Variants in NPAT observed in about 807,000 individuals in gnomAD.
NPAT encodes the protein protein NPAT.
A neutral mutation model predicts 130.7 loss-of-function variants in NPAT; 52 were observed. The ratio of observed to expected loss-of-function variants is 0.40; its 90% CI spans 0.32 to 0.50. The LOEUF is 0.50. Among genes scored for constraint, NPAT ranks in the 20% least tolerant of loss-of-function variants. The probability of loss-of-function intolerance (pLI) is 0.68; values close to 1 mark genes in which losing one functional copy is unlikely to be tolerated. For missense variants in NPAT, 1,687 were observed against 1,662.6 expected, an observed-to-expected ratio of 1.01 and a Z score of -0.26; for synonymous variants, 580 against 584.8, an observed-to-expected ratio of 0.99 and a Z score of 0.12.
At chr11:108,182,559 G>A (rs1275818875) in intron 10 of NPAT, among the ~76,000 whole-genome samples, 2 of 152,218 alleles carry the variant, frequency 1.3e-5, no homozygotes, top group African/African-American at 2.4e-5. Context: ...GTGCAGTGGC[G>A]CGATCTCGCC....
intron 1 of NPAT, among the ~76,000 whole-genome samples, chr11:108,206,874 G>A (rs142360552): frequency 5.9e-5 from 9 of 152,330 alleles, no homozygotes; most frequent in East Asian, 1.9e-4. Flanking sequence ...GCTCCTTTCC[G>A]TAGGCAGGTC....
chr11:108,187,784 T>C (rs910351741), intron 7 of NPAT, among the ~76,000 whole-genome samples: 2 of 152,098 alleles, frequency 1.3e-5, no homozygotes, highest in African/African-American at 4.8e-5. Context: ...CTGTATTATT[T>C]ACATTCAGTT....
At position 108,222,622 on chromosome 11, in the gene NPAT, G is replaced by C. The variant is rs1565335427; in HGVS notation, c.-86C>G. The C allele has an allele frequency of 6.9e-7, 1 of 1,459,690 alleles. No individual in the cohort carries two copies. Among genetic ancestry groups the C allele is most frequent in the Non-Finnish European group, 9.5e-7 (1 of 1,050,070 alleles). 90.4% of individuals were successfully genotyped at this position (1,459,690 alleles called of 1,614,324 possible). A position where few individuals can be genotyped will look rare whatever the true frequency, so the allele number is the denominator to read the frequency against. ...GACAGCTCCTGCGCCGCATCTCCTG[G>C]TTCCAGTGGCGGCACTGAACTCGCG... On this transcript the variant is annotated 5_prime_UTR_variant, in exon 1 of 18. Coordinates refer to ENST00000278612, the MANE Select transcript of NPAT (RefSeq NM_002519.3).
chr11:108,196,465 A>G (rs1379256495), intron 2 of NPAT, among the ~76,000 whole-genome samples: 2 of 151,676 alleles, frequency 1.3e-5, no homozygotes, highest in Non-Finnish European at 2.9e-5. Context: ...GCTTTGTGTT[A>G]TCTATAAAAA....
intron 10 of NPAT, among the ~76,000 whole-genome samples, chr11:108,181,798 G>A (rs971585825): frequency 1.3e-5 from 2 of 152,006 alleles, no homozygotes; most frequent in Non-Finnish European, 2.9e-5. Context: ...AGCATGTGAA[G>A]CAAAATCTGA....
At position 108,185,799 on chromosome 11, in the gene NPAT, C is replaced by T. The variant is rs150031097; in HGVS notation, c.727-305G>A. Among the ~76,000 whole-genome samples the T allele has an allele frequency of 2.5e-3, 386 of 152,358 alleles. 1 individual carries two copies. Among genetic ancestry groups the T allele is most frequent in the African/African-American group, 8.7e-3 (363 of 41,582 alleles). ...AGCCTGGAGTACAGTGGCACAATCT[C>T]AGTTCACTGCAACCTCCACCTCGCA... On this transcript the variant is annotated intron_variant, in intron 8 of 17. Coordinates refer to ENST00000278612, the MANE Select transcript of NPAT (RefSeq NM_002519.3).
intron 10 of NPAT, 88 bp from the exon 11 acceptor site, chr11:108,177,178 C>G (rs2078016313): frequency 3.4e-6 from 2 of 595,582 alleles, no homozygotes; most frequent in East Asian, 7.3e-5. Context: ...GGGTCTCACT[C>G]TTTTGCTCAG....
chr11:108,197,530 T>A, intron 1 of NPAT, 110 bp from the exon 2 acceptor site: 1 of 781,776 alleles, frequency 1.3e-6, no homozygotes, highest in Non-Finnish European at 2.3e-6. Flanking sequence ...AAACCTTAGG[T>A]GGAATGCTCT....
intron 1 of NPAT, among the ~76,000 whole-genome samples, chr11:108,204,166 AT>A (rs2134884429): frequency 6.6e-6 from 1 of 152,300 alleles, no homozygotes; most frequent in East Asian, 1.9e-4. Context: ...CAAGAGACAA[AT>A]TCCCAGGCAG....
At chr11:108,221,708 T>C (rs2078502433) in intron 1 of NPAT, among the ~76,000 whole-genome samples, 1 of 152,232 alleles carries the variant, frequency 6.6e-6, no homozygotes, top group Admixed American at 6.5e-5. Flanking sequence ...GCTCGGGTTT[T>C]GAGCTTTACC....
chr11:108,178,226 A>G (rs550946889), intron 10 of NPAT, among the ~76,000 whole-genome samples: 19 of 152,266 alleles, frequency 1.2e-4, no homozygotes, highest in Non-Finnish European at 1.9e-4. Context: ...CCCTGTACCA[A>G]TGGTGGAGGT....
chr11:108,162,873 A>G (rs2077865772), intron 15 of NPAT, among the ~76,000 whole-genome samples: 1 of 152,194 alleles, frequency 6.6e-6, no homozygotes, highest in Admixed American at 6.5e-5. Flanking sequence ...GGTACCTATC[A>G]TGTTTACAAG....
chr11:108,220,480 CTT>C (rs762536733), intron 1 of NPAT, among the ~76,000 whole-genome samples: 5 of 151,778 alleles, frequency 3.3e-5, no homozygotes, highest in Non-Finnish European at 7.4e-5. Flanking sequence ...GGGGAGAAAA[CTT>C]AACTTCTCTA....
intron 1 of NPAT, among the ~76,000 whole-genome samples, chr11:108,204,562 C>CGAACCTGCA (rs1473435379): frequency 9.9e-6 from 1 of 100,932 alleles, no homozygotes; most frequent in African/African-American, 3.3e-5. Flanking sequence ...CCGAACCTGC[C>CGAACCTGCA]GAACCTGCAG....
intron 15 of NPAT, among the ~76,000 whole-genome samples, chr11:108,167,420 C>T (rs967579096): frequency 3.3e-5 from 5 of 152,070 alleles, no homozygotes; most frequent in African/African-American, 1.2e-4. Flanking sequence ...ACTATATTGC[C>T]CAGGCTGGTC....
At chr11:108,212,308 T>C (rs2078391782) in intron 1 of NPAT, among the ~76,000 whole-genome samples, 2 of 152,066 alleles carry the variant, frequency 1.3e-5, no homozygotes, top group African/African-American at 4.8e-5. Context: ...GCGGATCATT[T>C]GAGGTCAGGA....
intron 17 of NPAT, 74 bp downstream of exon 17, chr11:108,160,806 A>G: frequency 7.4e-7 from 1 of 1,352,906 alleles, no homozygotes; most frequent in East Asian, 2.5e-5. Context: ...TGTTGTGGCA[A>G]GAACTGCTGA....
At position 108,173,704 on chromosome 11, in the gene NPAT, G is replaced by C. The variant is rs777256089; in HGVS notation, c.1280C>G (p.Ala427Gly). The C allele has an allele frequency of 2.5e-6, 4 of 1,614,094 alleles. No homozygotes were observed. In the South Asian group the frequency reaches 3.3e-5, roughly 13 times the overall value. The change falls in exon 13 of 18, where the codon GCC (alanine) becomes GGC (glycine). Residue 427 changes from alanine (A) to glycine (G), a missense_variant. Around this residue, in one of 3 missense-constraint regions of NPAT, gnomAD observed 1,379 missense variants for 1,346.6 expected, o/e 1.02. Transcript: ENST00000278612. Reference protein sequence around the residue: ...SQISTSIQKKAFKTAVPTEQK... With the variant: ...SQISTSIQKKGFKTAVPTEQK... ...TTCAGTGGGTACAGCTGTTTTAAAG[G>C]CCTTTTTCTGTATGCTGGTACTTAT...
rs539426868 is a variant in NPAT, at chr11:108,204,703, C to A, written c.38-7283G>T. Among the ~76,000 whole-genome samples the A allele has an allele frequency of 1.2e-4, 19 of 152,338 alleles. No homozygotes were observed. The East Asian group carries it at 3.7e-3, about 29-fold the overall frequency. ...CCAGGAGCCGCAAGCCAGAGTGGGG[C>A]AGTGGGCCTGAATGAGCTGTTAACA... On this transcript the variant is annotated intron_variant, in intron 1 of 17. Transcript: ENST00000278612.
Sources: gnomAD v4.1 joint callset for allele counts (sites outside exome capture counted in the v4.1 genomes callset) on GRCh38, gnomAD v4.1.1 for gene constraint, gnomAD v4.1.1 regional missense constraint, MANE v1.5 for transcripts, NCBI Gene and HGNC (gene_info 2026-07-23, HGNC 2026-07-21) for gene names.